DCAF12: variants seen among roughly 807,000 people sequenced by gnomAD.
The protein encoded by DCAF12 is DDB1 and CUL4 associated factor 12.
A neutral mutation model predicts 52.8 loss-of-function variants in DCAF12; 28 were observed. The ratio of observed to expected loss-of-function variants is 0.53; its 90% CI spans 0.39 to 0.73. DCAF12 has a LOEUF of 0.73. DCAF12 is among the 30% of genes least tolerant of loss of function. The pLI is 0.00. For missense variants in DCAF12, 425 were observed against 552.2 expected, an observed-to-expected ratio of 0.77 and a Z score of 2.31; for synonymous variants, 196 against 215.5, an observed-to-expected ratio of 0.91 and a Z score of 0.79.
At chr9:34,122,950 G>A (rs893105666) in intron 2 of DCAF12, among the ~76,000 whole-genome samples, 9 of 152,282 alleles carry the variant, frequency 5.9e-5, no homozygotes, top group South Asian at 4.1e-4. Flanking sequence ...CTGAATTTGC[G>A]TAAGTCTAAA....
At chr9:34,122,748 G>C (rs1303294886) in intron 2 of DCAF12, among the ~76,000 whole-genome samples, 1 of 152,176 alleles carries the variant, frequency 6.6e-6, no homozygotes, top group African/African-American at 2.4e-5. Context: ...AAAGTGCTGG[G>C]ATTACAGGTG....
chr9:34,101,774 G>C (rs1828833292), intron 4 of DCAF12, among the ~76,000 whole-genome samples: 1 of 151,670 alleles, frequency 6.6e-6, no homozygotes, highest in South Asian at 2.1e-4. Context: ...CAGCAACTTG[G>C]GAGGCTGAGG....
At chr9:34,126,284 G>A (rs1587744938) in intron 1 of DCAF12, 70 bp downstream of exon 1, 1 of 1,574,466 alleles carries the variant, frequency 6.4e-7, no homozygotes, top group South Asian at 1.1e-5. Flanking sequence ...CCCGTCGCAG[G>A]ATCTGCGGAC....
At chr9:34,110,074 GAGAA>G (rs1160804078) in intron 2 of DCAF12, 1 of 151,082 alleles carries the variant, frequency 6.6e-6, no homozygotes, top group Admixed American at 6.6e-5. Context: ...GACAGAGAGA[GAGAA>G]AGGAGTAGCT....
At chr9:34,090,335 T>C (rs1335691030) in intron 7 of DCAF12, among the ~76,000 whole-genome samples, 5 of 151,916 alleles carry the variant, frequency 3.3e-5, no homozygotes, top group African/African-American at 7.2e-5. Flanking sequence ...GCTGGGATTA[T>C]AGGCATGAGC....
intron 4 of DCAF12, among the ~76,000 whole-genome samples, chr9:34,098,735 T>C (rs1485792783): frequency 6.6e-6 from 1 of 152,222 alleles, no homozygotes; most frequent in Non-Finnish European, 1.5e-5. Flanking sequence ...AAAATATAAC[T>C]TTTAAGTTTG....
chr9:34,093,472 C>G (rs773863593), intron 6 of DCAF12, 24 bp from the exon 7 acceptor site: 1 of 1,611,790 alleles, frequency 6.2e-7, no homozygotes, highest in Admixed American at 1.7e-5. Context: ...AGAGATATAA[C>G]CATGGCATCA....
chr9:34,088,450 A>G lies in DCAF12; in HGVS notation c.1262T>C (p.Val421Ala). The change falls in exon 9 of 9, where the codon GTT (valine) becomes GCT (alanine). Residue 421 changes from valine to alanine, a missense_variant. Coordinates refer to ENST00000361264, the MANE Select transcript of DCAF12 (RefSeq NM_015397.4). ...FSDIDFFPNA[V>A]YTHCYDSSGT... ...AGACGAGTCGTAGCAGTGGGTGTAA[A>G]CAGCATTGGGGAAGAAGTCAATGTC... 6.2e-7 allele frequency: 1 copy of G among 1,614,184 alleles called. No homozygotes were observed. Among genetic ancestry groups the G allele is most frequent in the Non-Finnish European group, 8.5e-7 (1 of 1,180,038 alleles).
intron 3 of DCAF12, 62 bp downstream of exon 3, chr9:34,107,297 T>C: frequency 6.7e-7 from 1 of 1,502,842 alleles, no homozygotes; most frequent in Non-Finnish European, 9.3e-7. Flanking sequence ...GGGTCCATGT[T>C]AATCACTGAG....
At position 34,126,336 on chromosome 9, in the gene DCAF12, C is replaced by T. The variant is rs1285474633; in HGVS notation, c.78+18G>A. On this transcript the variant is annotated intron_variant, in intron 1 of 8. Coordinates refer to ENST00000361264, the MANE Select transcript of DCAF12 (RefSeq NM_015397.4). Reference sequence around the variant, plus strand: ...TTCCTCAGCCTCACCACCCAGGTGCCGGCCTCTCAACCCTCACCTGCGGGC... The same window carrying T: ...TTCCTCAGCCTCACCACCCAGGTGCTGGCCTCTCAACCCTCACCTGCGGGC... The T allele has an allele frequency of 3.7e-6, 6 of 1,611,800 alleles. No homozygotes were observed. Among genetic ancestry groups the T allele is most frequent in the Non-Finnish European group, 5.1e-6 (6 of 1,179,564 alleles).
At position 34,126,412 on chromosome 9, in the gene DCAF12, C is replaced by T. The variant is rs1290931741; in HGVS notation, c.20G>A (p.Ser7Asn). Reference sequence around the variant, plus strand: ...CGAGGCGGGCGCTTTCCGCTTCCTGCTAACTACTTTCCGGGCCATAGTGGG... The same window carrying T: ...CGAGGCGGGCGCTTTCCGCTTCCTGTTAACTACTTTCCGGGCCATAGTGGG... MARKVV[S>N]RKRKAPASPG... is the part of the protein sequence containing the mutation. Residue 7 changes from serine to asparagine, a missense_variant, in exon 1 of 9, where the codon AGC becomes AAC. Coordinates refer to ENST00000361264, the MANE Select transcript of DCAF12 (RefSeq NM_015397.4). The T allele has an allele frequency of 3.7e-6, 6 of 1,609,306 alleles. No individual in the cohort carries two copies. The highest frequency in any genetic ancestry group is 3.3e-5 in the Admixed American group (2 of 59,958).
Position 34,126,644 on chromosome 9 carries a change from G to A in DCAF12, c.-213C>T. The A allele has an allele frequency of 3.4e-6, 2 of 594,464 alleles. No homozygotes were observed. The highest frequency in any genetic ancestry group is 5.8e-6 in the Non-Finnish European group (2 of 346,854). 36.8% of individuals were successfully genotyped at this position (594,464 alleles called of 1,614,324 possible). On this transcript the variant is annotated 5_prime_UTR_variant, in exon 1 of 9. Transcript: ENST00000361264. Reference sequence around the variant, plus strand: ...TGAGCCGGGAAAGGGAAGGGGAAGCGAGAATGAGCGGCTTTCCGACGGCAG... The same window carrying A: ...TGAGCCGGGAAAGGGAAGGGGAAGCAAGAATGAGCGGCTTTCCGACGGCAG...
intron 2 of DCAF12, among the ~76,000 whole-genome samples, chr9:34,115,512 T>C (rs185206175): frequency 7.0e-6 from 1 of 143,058 alleles, no homozygotes; most frequent in East Asian, 2.0e-4. Flanking sequence ...GGCAGGAGAA[T>C]TACTTGAACC....
intron 2 of DCAF12, among the ~76,000 whole-genome samples, chr9:34,114,284 T>G (rs980649969): frequency 6.6e-6 from 1 of 152,144 alleles, no homozygotes; most frequent in Admixed American, 6.6e-5. Flanking sequence ...TGATCTTGGC[T>G]GGATGCGGTG....
chr9:34,117,530 C>T (rs1319432187), intron 2 of DCAF12, among the ~76,000 whole-genome samples: 2 of 152,132 alleles, frequency 1.3e-5, no homozygotes, highest in Admixed American at 6.6e-5. Context: ...CTTGATTTTA[C>T]CTAGTACCCA....
intron 4 of DCAF12, among the ~76,000 whole-genome samples, chr9:34,098,951 G>C (rs540667467): frequency 1.3e-5 from 2 of 149,678 alleles, no homozygotes; most frequent in Admixed American, 1.3e-4. Flanking sequence ...TGTATTTTTA[G>C]TAGAGACGGG....
intron 2 of DCAF12, among the ~76,000 whole-genome samples, chr9:34,124,621 A>G (rs1218256924): frequency 6.6e-6 from 1 of 152,220 alleles, no homozygotes; most frequent in African/African-American, 2.4e-5. Flanking sequence ...GCTATTTTAA[A>G]TACTTCGACA....
At chr9:34,123,032 A>C (rs1310640460) in intron 2 of DCAF12, among the ~76,000 whole-genome samples, 1 of 152,212 alleles carries the variant, frequency 6.6e-6, no homozygotes, top group Non-Finnish European at 1.5e-5. Flanking sequence ...ACCTCTACTT[A>C]AGCAGTTGAG....
intron 2 of DCAF12, among the ~76,000 whole-genome samples, chr9:34,114,185 T>C (rs534325338): frequency 2.0e-5 from 3 of 152,206 alleles, no homozygotes; most frequent in South Asian, 2.1e-4. Context: ...TTGGACAACA[T>C]GGATGAACCT....
Sources: gnomAD v4.1 joint callset for allele counts (sites outside exome capture counted in the v4.1 genomes callset) on GRCh38, gnomAD v4.1.1 for gene constraint, MANE v1.5 for transcripts, NCBI Gene and HGNC (gene_info 2026-07-23, HGNC 2026-07-21) for gene names.